The following CFAP221 variants were observed in gnomAD, a reference collection of about 807,000 sequenced individuals.
The protein encoded by CFAP221 is cilia and flagella associated protein 221, also known as cilia- and flagella-associated protein 221.
CFAP221 carries 97 observed loss-of-function variants against 113.1 expected under a neutral mutation model. The ratio of observed to expected loss-of-function variants is 0.86; its 90% CI spans 0.73 to 1.02. The LOEUF is 1.02. Among genes scored for constraint, CFAP221 ranks in the 50% least tolerant of loss-of-function variants. CFAP221 has a pLI of 0.00. For synonymous variants in CFAP221, 331 were observed against 354.4 expected, an observed-to-expected ratio of 0.93 and a Z score of 0.74; for missense variants, 1,025 against 1,013.4, an observed-to-expected ratio of 1.01 and a Z score of -0.16.
intron 7 of CFAP221, among the ~76,000 whole-genome samples, chr2:119,592,912 G>A (rs1683694875): frequency 6.6e-6 from 1 of 152,160 alleles, no homozygotes; most frequent in African/African-American, 2.4e-5. Flanking sequence ...TTAGTCTTGA[G>A]GTTAAGCAGT....
chr2:119,563,842 C>T (rs1169549787), intron 6 of CFAP221, among the ~76,000 whole-genome samples: 2 of 152,312 alleles, frequency 1.3e-5, no homozygotes, highest in Admixed American at 6.5e-5. Flanking sequence ...GGTTATCCTC[C>T]AAGGATGCCA....
At chr2:119,652,406 G>A (rs6736944) in intron 23 of CFAP221, among the ~76,000 whole-genome samples, 149,003 of 152,340 alleles carry the variant, frequency 0.98, 72,958 homozygotes, top group Non-Finnish European at 1. Context: ...TGCACCGTTT[G>A]TACATAGAAA....
intron 21 of CFAP221, among the ~76,000 whole-genome samples, chr2:119,642,993 G>A (rs1052545456): frequency 6.7e-6 from 1 of 149,484 alleles, no homozygotes; most frequent in African/African-American, 2.5e-5. Flanking sequence ...GTCTTGCTAT[G>A]TTGCCCGGGC....
At chr2:119,655,510 T>C (rs1688375845) in intron 23 of CFAP221, among the ~76,000 whole-genome samples, 1 of 152,224 alleles carries the variant, frequency 6.6e-6, no homozygotes, top group Admixed American at 6.5e-5. Flanking sequence ...CATGTCACCC[T>C]CTTTTCAAAA....
At chr2:119,568,832 A>G (rs549824017) in intron 6 of CFAP221, among the ~76,000 whole-genome samples, 3 of 152,230 alleles carry the variant, frequency 2.0e-5, no homozygotes, top group East Asian at 3.9e-4. Flanking sequence ...GTTTTGACCC[A>G]TATTATATTA....
At chr2:119,594,807 T>C (rs571634503) in intron 7 of CFAP221, among the ~76,000 whole-genome samples, 1 of 152,348 alleles carries the variant, frequency 6.6e-6, no homozygotes, top group South Asian at 2.1e-4. Flanking sequence ...GCAACTCTTA[T>C]GAAGTAGATT....
In CFAP221 at chr2:119,638,335, C is replaced by T. The variant is rs1190275904; in HGVS notation, c.2051C>T (p.Ser684Phe). The T allele has an allele frequency of 1.2e-6, 2 of 1,613,972 alleles. No homozygotes were observed. The highest frequency in any genetic ancestry group is 1.7e-6 in the Non-Finnish European group (2 of 1,179,942). Reference sequence around the variant, plus strand: ...ACGTTGATAGATTACCATCTATGCTCTCACCCCAAGTACAAATTCACCAAA... The same window carrying T: ...ACGTTGATAGATTACCATCTATGCTTTCACCCCAAGTACAAATTCACCAAA... ...AETLIDYHLC[S>F]HPKYKFTKES... The change falls in exon 20 of 24, where the codon TCT (serine) becomes TTT (phenylalanine). Residue 684 changes from serine (S) to phenylalanine (F), a missense_variant. Physicochemically the swap from Ser to Phe is radical, Grantham distance 155. Coordinates refer to ENST00000413369, the MANE Select transcript of CFAP221 (RefSeq NM_001271049.2).
chr2:119,615,717 T>C lies in CFAP221; in HGVS notation c.1410+8T>C, dbSNP rs1685476713. On this transcript the variant is annotated splice_region_variant and intron_variant, in intron 14 of 23. Transcript: ENST00000413369. ...CAACAAGTAGCACGCAAGGTAAGTC[T>C]CAGCACCAGCTGGAAATGTTGATTT... is the stretch of plus-strand genomic sequence containing the variant. 1 of 1,592,386 alleles carries C rather than the reference T, an allele frequency of 6.3e-7. No individual in the cohort carries two copies.
At chr2:119,557,958 C>CAAAAAA (rs11286852) in intron 3 of CFAP221, among the ~76,000 whole-genome samples, 1 of 104,026 alleles carries the variant, frequency 9.6e-6, no homozygotes, top group Non-Finnish European at 2.0e-5. Context: ...GACTCCGTCT[C>CAAAAAA]AAAAAAAAAA....
intron 6 of CFAP221, among the ~76,000 whole-genome samples, chr2:119,570,646 C>A (rs1390654160): frequency 3.3e-5 from 5 of 152,200 alleles, no homozygotes; most frequent in Admixed American, 6.5e-5. Flanking sequence ...TGACTGATTT[C>A]TTTCACTTTG....
At chr2:119,546,599 A>C (rs1680069796) in intron 2 of CFAP221, among the ~76,000 whole-genome samples, 1 of 152,086 alleles carries the variant, frequency 6.6e-6, no homozygotes, top group Admixed American at 6.6e-5. Flanking sequence ...GCTTTCTAAA[A>C]TCCTGGCTGG....
chr2:119,546,194 A>G lies in CFAP221; in HGVS notation c.63A>G (p.Ala21=), dbSNP rs1680038735. ...LKNAKEPFNN[A]SPHLLKNLVE... ...ATGCTAAAGAACCCTTTAATAATGC[A>G]TCACCCCATCTCTTGAAGAACCTAG... is the stretch of plus-strand genomic sequence containing the variant. The change falls in exon 2 of 24, where the codon GCA becomes GCG. Residue 21 remains alanine, a synonymous_variant. Transcript: ENST00000413369. 8.5e-6 allele frequency: 13 copies of G among 1,535,842 alleles called. No homozygotes were observed. Among genetic ancestry groups the G allele is most frequent in the Non-Finnish European group, 1.1e-5 (13 of 1,146,826 alleles).
At chr2:119,614,015 A>G (rs888083488) in intron 13 of CFAP221, among the ~76,000 whole-genome samples, 2 of 152,242 alleles carry the variant, frequency 1.3e-5, no homozygotes, top group Admixed American at 6.5e-5. Flanking sequence ...TACTTCTGCC[A>G]GATACCTAAA....
chr2:119,562,250 AG>A, intron 6 of CFAP221, 136 bp downstream of exon 6: 5 of 516,236 alleles, frequency 9.7e-6, no homozygotes, highest in East Asian at 3.8e-5. Flanking sequence ...TCATTGTAAA[AG>A]GCAAAAAAAA....
chr2:119,611,785 C>T (rs1558961391), intron 13 of CFAP221, 43 bp downstream of exon 13: 3 of 1,392,372 alleles, frequency 2.2e-6, no homozygotes, highest in Non-Finnish European at 3.0e-6. Context: ...ATTGGCAGCT[C>T]TTTAAATGCT....
At chr2:119,579,601 C>T (rs953894127) in intron 6 of CFAP221, among the ~76,000 whole-genome samples, 1 of 152,160 alleles carries the variant, frequency 6.6e-6, no homozygotes, top group East Asian at 1.9e-4. Context: ...ACTTGCACTG[C>T]TATATCTGCT....
chr2:119,603,728 A>G (rs1247733433), intron 8 of CFAP221, among the ~76,000 whole-genome samples: 1 of 152,242 alleles, frequency 6.6e-6, no homozygotes, highest in African/African-American at 2.4e-5. Context: ...AAATTTTAAA[A>G]TGGTTATTTT....
At chr2:119,604,119 G>A (rs560695565) in intron 8 of CFAP221, among the ~76,000 whole-genome samples, 56 of 152,248 alleles carry the variant, frequency 3.7e-4, no homozygotes, top group African/African-American at 1.2e-3. Flanking sequence ...TAGACCTTGA[G>A]AGCATTTTTC....
At chr2:119,572,507 A>G (rs1286367987) in intron 6 of CFAP221, 5 of 687,866 alleles carry the variant, frequency 7.3e-6, no homozygotes, top group Admixed American at 2.0e-5. Context: ...ATGGTTCTAA[A>G]AAGATTCATG....
Sources: allele counts gnomAD v4.1 joint callset (sites outside exome capture counted in the v4.1 genomes callset), GRCh38; gene constraint gnomAD v4.1.1; transcripts MANE v1.5; gene names NCBI Gene and HGNC (gene_info 2026-07-23, HGNC 2026-07-21).